Variants in ZBTB20 observed in about 807,000 individuals in gnomAD.
The protein encoded by ZBTB20 is zinc finger and BTB domain-containing protein 20.
A neutral mutation model predicts 56.9 loss-of-function variants in ZBTB20; 9 were observed. The observed-to-expected ratio is 0.16, with a 90% confidence interval of 0.10 to 0.28. The LOEUF is 0.28. ZBTB20 is among the 10% of genes least tolerant of loss of function. The pLI is 1.00. For missense variants in ZBTB20, 655 were observed against 1,003.0 expected (o/e 0.65, Z 4.69); for synonymous variants, 417 against 420.7 (o/e 0.99, Z 0.11).
At chr3:115,011,493 G>C (rs1006188920) in intron 2 of ZBTB20, among the ~76,000 whole-genome samples, 1 of 151,866 alleles carries the variant, frequency 6.6e-6, no homozygotes, top group Non-Finnish European at 1.5e-5. Flanking sequence ...CCAGCAGAGA[G>C]TGGCAGGTAA....
Position 114,350,465 on chromosome 3 carries a change from T to C in ZBTB20, c.1613A>G (p.Gln538Arg), listed in dbSNP as rs906402446. 5.6e-6 allele frequency: 9 copies of C among 1,614,046 alleles called. No homozygotes were observed. Among genetic ancestry groups the C allele is most frequent in the Non-Finnish European group, 7.6e-6 (9 of 1,180,000 alleles). ...ACCGGGCTGGGACACTGTCACAAAC[T>C]GGGTCTGCTGGCCTGCCAGGGGCTG... ...LPQPLAGQQT[Q>R]FVTVSQPGLS... is the part of the protein sequence containing the mutation. Residue 538 changes from glutamine to arginine, a missense_variant, in exon 11 of 12, where the codon CAG (glutamine) becomes CGG (arginine). Around this residue, in one of 10 missense-constraint regions of ZBTB20, gnomAD observed 71 missense variants for 89.4 expected, o/e 0.79. Transcript: ENST00000675478.
intron 6 of ZBTB20, among the ~76,000 whole-genome samples, chr3:114,638,080 A>G (rs2107889337): frequency 6.6e-6 from 1 of 152,148 alleles, no homozygotes; most frequent in Admixed American, 6.6e-5. Flanking sequence ...TAAGCCAATT[A>G]TGACAAGTGT....
intron 2 of ZBTB20, among the ~76,000 whole-genome samples, chr3:115,007,001 T>G (rs1431466582): frequency 6.6e-6 from 1 of 151,900 alleles, no homozygotes; most frequent in East Asian, 1.9e-4. Context: ...CTTTTGAGTT[T>G]AGTCTTTCAG....
At chr3:114,410,670 G>A (rs554982660) in intron 7 of ZBTB20, among the ~76,000 whole-genome samples, 4 of 152,286 alleles carry the variant, frequency 2.6e-5, no homozygotes, top group Admixed American at 1.3e-4. Context: ...ACAAGAGAGC[G>A]CTGGTTCCAG....
intron 6 of ZBTB20, among the ~76,000 whole-genome samples, chr3:114,684,271 T>C (rs1328613408): frequency 1.3e-5 from 2 of 152,186 alleles, no homozygotes; most frequent in African/African-American, 4.8e-5. Flanking sequence ...GTTGAACGAC[T>C]TTAGGGAGCT....
intron 7 of ZBTB20, among the ~76,000 whole-genome samples, chr3:114,417,719 G>A (rs2088714656): frequency 2.6e-5 from 4 of 151,880 alleles, no homozygotes; most frequent in African/African-American, 4.8e-5. Context: ...ACTCAATAGA[G>A]CAAAAAATCT....
intron 5 of ZBTB20, among the ~76,000 whole-genome samples, chr3:114,726,677 C>T (rs1042932212): frequency 7.2e-5 from 11 of 151,932 alleles, no homozygotes; most frequent in African/African-American, 2.7e-4. Flanking sequence ...CTTTGGGAGG[C>T]CAAGGTGGGC....
chr3:114,859,957 A>G (rs894664006), intron 4 of ZBTB20, among the ~76,000 whole-genome samples: 1 of 152,170 alleles, frequency 6.6e-6, no homozygotes, highest in African/African-American at 2.4e-5. Flanking sequence ...CAAAAACAGT[A>G]CTGGAGAGTT....
At chr3:114,990,660 G>C (rs1256686255) in intron 2 of ZBTB20, among the ~76,000 whole-genome samples, 1 of 152,132 alleles carries the variant, frequency 6.6e-6, no homozygotes, top group Non-Finnish European at 1.5e-5. Context: ...CTATTGATTG[G>C]AATAGTTTCA....
chr3:114,391,127 A>G (rs1183695172), intron 7 of ZBTB20, among the ~76,000 whole-genome samples: 1 of 152,172 alleles, frequency 6.6e-6, no homozygotes, highest in Non-Finnish European at 1.5e-5. Flanking sequence ...GACATCTATG[A>G]AAAGCTCCTG....
At chr3:114,480,136 C>T (rs2041361624) in intron 7 of ZBTB20, among the ~76,000 whole-genome samples, 1 of 151,988 alleles carries the variant, frequency 6.6e-6, no homozygotes, top group Non-Finnish European at 1.5e-5. Context: ...AACAATTGGG[C>T]TTAGTTTTAT....
At chr3:114,786,252 C>G (rs1030393298) in intron 5 of ZBTB20, among the ~76,000 whole-genome samples, 1 of 152,052 alleles carries the variant, frequency 6.6e-6, no homozygotes, top group African/African-American at 2.4e-5. Context: ...ATCAACCTGT[C>G]ATCTACATCA....
intron 6 of ZBTB20, among the ~76,000 whole-genome samples, chr3:114,582,583 TTGGC>T (rs1414493025): frequency 1.3e-5 from 2 of 152,188 alleles, no homozygotes; most frequent in African/African-American, 4.8e-5. Flanking sequence ...TTCTGCCATG[TTGGC>T]CAGGCTGGTC....
intron 5 of ZBTB20, among the ~76,000 whole-genome samples, chr3:114,707,751 T>C (rs1315184250): frequency 2.0e-5 from 3 of 152,178 alleles, no homozygotes; most frequent in Non-Finnish European, 4.4e-5. Flanking sequence ...GAGTTCTCTA[T>C]ATTATTCTGG....
chr3:114,652,710 A>C (rs1422178668), intron 6 of ZBTB20, among the ~76,000 whole-genome samples: 1 of 151,986 alleles, frequency 6.6e-6, no homozygotes, highest in Non-Finnish European at 1.5e-5. Context: ...ATTTATCTTA[A>C]TGTTAGAAAA....
chr3:115,124,435 A>C (rs1413323830), intron 1 of ZBTB20, among the ~76,000 whole-genome samples: 1 of 152,254 alleles, frequency 6.6e-6, no homozygotes, highest in Non-Finnish European at 1.5e-5. Flanking sequence ...ATTTTAAAAA[A>C]TACATATGCA....
At chr3:114,764,935 C>G (rs926635806) in intron 5 of ZBTB20, among the ~76,000 whole-genome samples, 2 of 152,044 alleles carry the variant, frequency 1.3e-5, no homozygotes, top group Non-Finnish European at 2.9e-5. Flanking sequence ...AATTTGGAAC[C>G]AATTTATTCT....
chr3:114,529,234 A>G (rs1019439036), intron 6 of ZBTB20: 3 of 152,116 alleles, frequency 2.0e-5, no homozygotes, highest in Admixed American at 2.0e-4. Context: ...GGTCCATTAA[A>G]AGTTCCTGTG....
rs34260800 is a variant in ZBTB20, at chr3:114,516,004, A to ATT, written c.-294-15615_-294-15614dup. On this transcript the variant is annotated intron_variant, in intron 6 of 11. Coordinates refer to ENST00000675478, the MANE Select transcript of ZBTB20 (RefSeq NM_001348800.3). ...CTCTAGCTGTGTTTCTAATTAAACA[A>ATT]TTTTTTTTTTTTTTTTTGCCAAAGT... Among the ~76,000 whole-genome samples, 622 of 141,246 alleles carry ATT rather than the reference A, an allele frequency of 4.4e-3. 4 individuals are homozygous for ATT. The highest frequency in any genetic ancestry group is 0.015 in the African/African-American group (591 of 38,546). The allele number at this position is 141,246 out of a possible 152,430, so 92.7% of individuals were successfully genotyped here. A position where few individuals can be genotyped will look rare whatever the true frequency, so the allele number is the denominator to read the frequency against.
Sources: allele counts gnomAD v4.1 joint callset (sites outside exome capture counted in the v4.1 genomes callset), GRCh38; gene constraint gnomAD v4.1.1; regional missense constraint gnomAD v4.1.1; transcripts MANE v1.5; gene names NCBI Gene and HGNC (gene_info 2026-07-23, HGNC 2026-07-21).